The following ANK3 variants were observed in gnomAD, a reference collection of about 807,000 sequenced individuals.
ANK3 encodes the protein ankyrin-3.
ANK3 carries 57 observed loss-of-function variants against 370.9 expected under a neutral mutation model. The ratio of observed to expected loss-of-function variants is 0.15; its 90% CI spans 0.12 to 0.19. The LOEUF (loss-of-function observed/expected upper bound fraction) is 0.19, where lower values mean the gene tolerates loss of function less well. Among genes scored for constraint, ANK3 ranks in the 10% least tolerant of loss-of-function variants. The pLI is 1.00. For missense variants in ANK3, 4,439 were observed against 5,302.1 expected (o/e 0.84, Z 5.06); for synonymous variants, 1,929 against 1,946.3 (o/e 0.99, Z 0.23).
At chr10:60,705,335 A>C (rs986195131) in intron 1 of ANK3, among the ~76,000 whole-genome samples, 1 of 137,328 alleles carries the variant, frequency 7.3e-6, no homozygotes, top group Admixed American at 7.9e-5. Flanking sequence ...GATGATAATA[A>C]TAACAAACAC....
intron 1 of ANK3, among the ~76,000 whole-genome samples, chr10:60,291,928 G>A (rs1827569067): frequency 6.6e-6 from 1 of 152,140 alleles, no homozygotes; most frequent in Non-Finnish European, 1.5e-5. Flanking sequence ...AACCCAGGCT[G>A]TTCTTGACTT....
At chr10:60,364,386 G>T (rs770568423) in intron 1 of ANK3, among the ~76,000 whole-genome samples, 15 of 151,752 alleles carry the variant, frequency 9.9e-5, no homozygotes, top group Non-Finnish European at 1.8e-4. Context: ...TAATAACAAT[G>T]GATATATTAG....
intron 1 of ANK3, among the ~76,000 whole-genome samples, chr10:60,700,137 G>A (rs1347971424): frequency 6.6e-6 from 1 of 152,052 alleles, no homozygotes; most frequent in Admixed American, 6.6e-5. Flanking sequence ...TAGTGGGCTA[G>A]GGTAGAGAGC....
chr10:60,419,550 A>G (rs555102978), intron 2 of ANK3, among the ~76,000 whole-genome samples: 90 of 152,240 alleles, frequency 5.9e-4, no homozygotes, highest in African/African-American at 1.9e-3. Flanking sequence ...TCCAATGTTC[A>G]TCTCATTTTG....
intron 8 of ANK3, among the ~76,000 whole-genome samples, chr10:60,214,513 C>T (rs1046556338): frequency 6.6e-6 from 1 of 152,050 alleles, no homozygotes; most frequent in Non-Finnish European, 1.5e-5. Flanking sequence ...CCTCCCCTCA[C>T]CCCCCAGCCC....
chr10:60,306,052 C>T (rs964743637), intron 1 of ANK3, among the ~76,000 whole-genome samples: 1 of 152,000 alleles, frequency 6.6e-6, no homozygotes, highest in Non-Finnish European at 1.5e-5. Flanking sequence ...TAACTGAACC[C>T]CTTCCTTTTT....
At chr10:60,268,453 T>A (rs754549413) in intron 5 of ANK3, among the ~76,000 whole-genome samples, 23 of 152,192 alleles carry the variant, frequency 1.5e-4, no homozygotes, top group Non-Finnish European at 3.2e-4. Context: ...TGTTATTGTA[T>A]AAATATATGA....
rs552411753 is a variant in ANK3 at position 60,603,062 on chromosome 10, G to A, written c.96+12124C>T. ...TCCACTCGTCTTGAAACAAATGAAGGGCCCTACTCAGCAAATGCTTGTGTC... is the reference window on the plus strand; with the variant it reads ...TCCACTCGTCTTGAAACAAATGAAGAGCCCTACTCAGCAAATGCTTGTGTC... On this transcript the variant is annotated intron_variant, in intron 2 of 43. Coordinates refer to the ANK3 transcript ENST00000373827. Among the ~76,000 whole-genome samples, 46 of 152,050 alleles carry A rather than the reference G, an allele frequency of 3.0e-4. No homozygotes were observed. The South Asian group carries it at 9.1e-3, about 30-fold the overall frequency.
intron 13 of ANK3, 99 bp from the exon 14 acceptor site, chr10:60,198,636 C>G: frequency 9.1e-7 from 1 of 1,094,706 alleles, no homozygotes; most frequent in Non-Finnish European, 1.4e-6. Flanking sequence ...GTAAGAGGTA[C>G]AATCAACTTT....
At chr10:60,689,823 T>C (rs968899847) in intron 1 of ANK3, among the ~76,000 whole-genome samples, 2 of 152,024 alleles carry the variant, frequency 1.3e-5, no homozygotes, top group Non-Finnish European at 2.9e-5. Flanking sequence ...ATTTTAGATT[T>C]ATATAGATAA....
chr10:60,276,629 T>G (rs575458387), intron 4 of ANK3, among the ~76,000 whole-genome samples: 14 of 152,338 alleles, frequency 9.2e-5, no homozygotes, highest in African/African-American at 3.4e-4. Context: ...TGCGTATAAA[T>G]TGAAATTAGA....
intron 1 of ANK3, among the ~76,000 whole-genome samples, chr10:60,664,200 G>A (rs924270477): frequency 1.3e-5 from 2 of 152,232 alleles, no homozygotes; most frequent in African/African-American, 4.8e-5. Context: ...TGGTTCGGAT[G>A]AATAAAGAAG....
chr10:60,063,399 G>T, intron 39 of ANK3, 145 bp from the exon 40 acceptor site: 2 of 722,086 alleles, frequency 2.8e-6, no homozygotes, highest in Non-Finnish European at 4.3e-6. Flanking sequence ...CTATCCAGAG[G>T]ACTCAGAATG....
chr10:60,527,571 T>A (rs1313247557), intron 2 of ANK3, among the ~76,000 whole-genome samples: 4 of 151,934 alleles, frequency 2.6e-5, no homozygotes, highest in African/African-American at 9.7e-5. Flanking sequence ...AAAGAAAAAA[T>A]TTGCCTTTCC....
chr10:60,682,655 A>T (rs1175302431), intron 1 of ANK3, among the ~76,000 whole-genome samples: 1 of 152,016 alleles, frequency 6.6e-6, no homozygotes, highest in Non-Finnish European at 1.5e-5. Context: ...TGAGGGAAGG[A>T]ATGTTGATGT....
At chr10:60,375,496 T>C (rs1249136608) in intron 1 of ANK3, among the ~76,000 whole-genome samples, 1 of 142,080 alleles carries the variant, frequency 7.0e-6, no homozygotes, top group South Asian at 2.2e-4. Flanking sequence ...AAGGCCTGCC[T>C]GGGGGGGGAG....
At chr10:60,395,285 T>C (rs556229850) in intron 2 of ANK3, among the ~76,000 whole-genome samples, 13 of 152,346 alleles carry the variant, frequency 8.5e-5, no homozygotes, top group Non-Finnish European at 1.6e-4. Context: ...TATTGATTCA[T>C]GTTGAAATAA....
At chr10:60,692,825 A>T (rs2079375753) in intron 1 of ANK3, among the ~76,000 whole-genome samples, 2 of 152,242 alleles carry the variant, frequency 1.3e-5, no homozygotes, top group Admixed American at 6.5e-5. Context: ...GTTAAAAGTG[A>T]TTTTTGATAA....
intron 1 of ANK3, among the ~76,000 whole-genome samples, chr10:60,709,827 CA>C (rs370504421): frequency 0.012 from 854 of 71,372 alleles, 6 homozygotes; most frequent in African/African-American, 0.032. Flanking sequence ...GACCCCATCT[CA>C]AAAAAAAAAA....
Sources: gnomAD v4.1 joint callset for allele counts (sites outside exome capture counted in the v4.1 genomes callset) on GRCh38, gnomAD v4.1.1 for gene constraint, MANE v1.5 for transcripts, NCBI Gene and HGNC (gene_info 2026-07-23, HGNC 2026-07-21) for gene names.